Variants in DIP2C observed in about 807,000 individuals in gnomAD.
The protein encoded by DIP2C is DIP2 acetate--CoA ligase C (putative).
DIP2C carries 33 observed loss-of-function variants against 192.4 expected under a neutral mutation model. The observed-to-expected ratio is 0.17, with a 90% CI of 0.13 to 0.23. DIP2C has a LOEUF of 0.23. DIP2C is among the 10% of genes least tolerant of loss of function. The probability of loss-of-function intolerance (pLI) is 1.00; values close to 1 mark genes in which losing one functional copy is unlikely to be tolerated. For synonymous variants in DIP2C, 979 were observed against 864.1 expected (o/e 1.13, Z -2.33); for missense variants, 1,537 against 2,110.1 (o/e 0.73, Z 5.32).
Position 276,877 on chromosome 10 carries a change from T to C in DIP2C, c.*448A>G, listed in dbSNP as rs187599945. 11 of 160,436 alleles carry C rather than the reference T, an allele frequency of 6.9e-5. No individual in the cohort carries two copies. The highest frequency in any genetic ancestry group is 2.4e-4 in the African/African-American group (10 of 41,632). The allele number at this position is 160,436 out of a possible 1,614,324, so 9.9% of individuals were successfully genotyped here. On this transcript the variant is annotated 3_prime_UTR_variant, in exon 37 of 37. Transcript: ENST00000280886. ...ATGGCTTAAATTAGTAACAGATCCA[T>C]GTCATTAAGATTTCATGACACATTA...
intron 32 of DIP2C, among the ~76,000 whole-genome samples, chr10:297,840 C>T (rs1564521030): frequency 1.3e-5 from 2 of 152,162 alleles, no homozygotes; most frequent in Non-Finnish European, 2.9e-5. Context: ...ATGCACGCTC[C>T]CGATCTAATA....
intron 19 of DIP2C, chr10:365,171 G>A: frequency 2.6e-6 from 1 of 384,338 alleles, no homozygotes; most frequent in African/African-American, 2.1e-5. Context: ...ATTTTAGAAA[G>A]TTGAATTCAC....
intron 13 of DIP2C, 135 bp downstream of exon 13, chr10:389,856 C>G (rs760655306): frequency 1.4e-6 from 1 of 725,276 alleles, no homozygotes; most frequent in Non-Finnish European, 2.4e-6. Context: ...CCTAACTCAA[C>G]AATAAGTTCA....
At chr10:556,854 G>A (rs1189300026) in intron 1 of DIP2C, among the ~76,000 whole-genome samples, 2 of 152,212 alleles carry the variant, frequency 1.3e-5, no homozygotes, top group Non-Finnish European at 2.9e-5. Context: ...GACCCTGGAA[G>A]GGATCTGTGC....
At chr10:379,888 TGCA>T (rs1962170963) in intron 17 of DIP2C, among the ~76,000 whole-genome samples, 1 of 145,956 alleles carries the variant, frequency 6.9e-6, no homozygotes, top group African/African-American at 2.5e-5. Context: ...ATGGTTAACG[TGCA>T]GAAGAGGCTG....
intron 3 of DIP2C, among the ~76,000 whole-genome samples, chr10:471,756 G>T (rs576324933): frequency 1.2e-3 from 183 of 152,138 alleles, no homozygotes; most frequent in African/African-American, 4.1e-3. Context: ...CTGAGTTTTT[G>T]TTGTTGTTGT....
intron 1 of DIP2C, among the ~76,000 whole-genome samples, chr10:565,946 C>T (rs115235532): frequency 2.0e-5 from 3 of 152,170 alleles, no homozygotes; most frequent in African/African-American, 4.8e-5. Flanking sequence ...TTCAGATCCA[C>T]GTCACCCACT....
intron 1 of DIP2C, chr10:662,045 T>C (rs909261277): frequency 1.4e-6 from 1 of 716,630 alleles, no homozygotes; most frequent in African/African-American, 1.7e-5. Flanking sequence ...CTGTCCCCCG[T>C]GGCTCCACAG....
At chr10:549,439 A>C (rs980562248) in intron 1 of DIP2C, among the ~76,000 whole-genome samples, 2 of 152,198 alleles carry the variant, frequency 1.3e-5, no homozygotes, top group African/African-American at 4.8e-5. Context: ...ACAAGCCAAC[A>C]GGTGAGATGT....
chr10:663,133 ACCTCAG>A (rs1856867358), intron 1 of DIP2C: 1 of 509,744 alleles, frequency 2.0e-6, no homozygotes, highest in African/African-American at 1.9e-5. Context: ...GGGCAGCCCT[ACCTCAG>A]CATGGGTGAG....
chr10:303,530 TTTC>T (rs1192082325), intron 32 of DIP2C, among the ~76,000 whole-genome samples: 4 of 152,122 alleles, frequency 2.6e-5, no homozygotes, highest in African/African-American at 9.7e-5. Flanking sequence ...ACTTTTTTTT[TTTC>T]TTTTTTTGAG....
At chr10:426,168 G>C (rs1966584680) in intron 4 of DIP2C, among the ~76,000 whole-genome samples, 1 of 152,156 alleles carries the variant, frequency 6.6e-6, no homozygotes, top group Admixed American at 6.6e-5. Flanking sequence ...AGTTTGATGA[G>C]GTCACAGGAC....
intron 17 of DIP2C, among the ~76,000 whole-genome samples, chr10:378,984 T>A (rs1962028754): frequency 6.6e-6 from 1 of 152,188 alleles, no homozygotes; most frequent in South Asian, 2.1e-4. Flanking sequence ...TTTTAAAGAC[T>A]CTCAACCTCC....
intron 9 of DIP2C, among the ~76,000 whole-genome samples, chr10:406,240 C>T (rs996656314): frequency 2.0e-5 from 3 of 152,188 alleles, no homozygotes; most frequent in Admixed American, 6.5e-5. Flanking sequence ...TATGTGGTAA[C>T]ACAAAATTTA....
At chr10:549,877 G>A (rs1848496205) in intron 1 of DIP2C, among the ~76,000 whole-genome samples, 1 of 152,100 alleles carries the variant, frequency 6.6e-6, no homozygotes, top group African/African-American at 2.4e-5. Flanking sequence ...TCTGGTAGAA[G>A]GGCAGCCCAG....
chr10:349,577 C>A, intron 24 of DIP2C, 123 bp from the exon 25 acceptor site: 1 of 1,329,674 alleles, frequency 7.5e-7, no homozygotes, highest in Non-Finnish European at 1.0e-6. Context: ...AGAACAAGCA[C>A]AGACCTGTGC....
At chr10:388,010 C>G (rs1963122738) in intron 13 of DIP2C, among the ~76,000 whole-genome samples, 1 of 152,194 alleles carries the variant, frequency 6.6e-6, no homozygotes, top group Non-Finnish European at 1.5e-5. Context: ...GACAGATATC[C>G]TGACACATGA....
chr10:380,135 G>A (rs1368714328), intron 17 of DIP2C, among the ~76,000 whole-genome samples: 1 of 136,322 alleles, frequency 7.3e-6, no homozygotes, highest in East Asian at 2.5e-4. Context: ...GTGCAGAAGA[G>A]GCTGTCCCTG....
intron 9 of DIP2C, among the ~76,000 whole-genome samples, chr10:404,545 TC>T: frequency 6.6e-6 from 1 of 152,280 alleles, no homozygotes; most frequent in African/African-American, 2.4e-5. Context: ...ATGAAAAATG[TC>T]CTAACTGGAA....
Sources: allele counts gnomAD v4.1 joint callset (sites outside exome capture counted in the v4.1 genomes callset), GRCh38; gene constraint gnomAD v4.1.1; transcripts MANE v1.5; gene names NCBI Gene and HGNC (gene_info 2026-07-23, HGNC 2026-07-21).